DBR1: variants seen among roughly 807,000 people sequenced by gnomAD.
DBR1 encodes lariat debranching enzyme.
A neutral mutation model predicts 45.9 loss-of-function variants in DBR1; 33 were observed. That is an observed-to-expected ratio of 0.72 (90% confidence interval 0.55 to 0.96). DBR1 has a LOEUF of 0.96. Ranked by LOEUF, DBR1 falls within the 40% of genes least tolerant of loss-of-function variation. DBR1 has a pLI of 0.00. For missense variants in DBR1, 619 were observed against 667.4 expected (o/e 0.93, Z 0.80); for synonymous variants, 235 against 235.9 (o/e 1.00, Z 0.04).
At chr3:138,168,362 T>C (rs977336302) in intron 4 of DBR1, among the ~76,000 whole-genome samples, 5 of 151,118 alleles carry the variant, frequency 3.3e-5, no homozygotes, top group Admixed American at 6.6e-5. Context: ...TTATTTAAAA[T>C]ACAAAAAATT....
At chr3:138,165,201 G>C (rs910439639) in intron 5 of DBR1, among the ~76,000 whole-genome samples, 1 of 152,138 alleles carries the variant, frequency 6.6e-6, no homozygotes, top group Non-Finnish European at 1.5e-5. Context: ...TCCTGCTGAG[G>C]ACCAAGCAAC....
At position 138,163,428 on chromosome 3, in the gene DBR1, T is replaced by C. The variant is rs2042916842; in HGVS notation, c.862A>G (p.Ile288Val). ...ATAAGATCATCCGTAGCCCTGAGAA[T>C]AGTGAGCCATTCAATATCATATTCC... is the stretch of plus-strand genomic sequence containing the variant. ...YLEYDIEWLT[I>V]LRATDDLINV... The change falls in exon 7 of 8, where the codon ATT becomes GTT. Residue 288 changes from isoleucine to valine, a missense_variant. Transcript: ENST00000260803. 3.1e-6 allele frequency: 5 copies of C among 1,613,394 alleles called. No individual in the cohort carries two copies. The highest frequency in any genetic ancestry group is 4.2e-6 in the Non-Finnish European group (5 of 1,179,366).
chr3:138,166,941 G>T, intron 5 of DBR1, 140 bp downstream of exon 5: 3 of 797,442 alleles, frequency 3.8e-6, no homozygotes, highest in Admixed American at 2.7e-5. Flanking sequence ...GTAATTGCTT[G>T]TCTTTCCCAG....
At chr3:138,163,323 C>A (rs771919950) in intron 7 of DBR1, 26 bp downstream of exon 7, 1 of 1,603,220 alleles carries the variant, frequency 6.2e-7, no homozygotes, top group South Asian at 1.1e-5. Flanking sequence ...ATGGAAAAAG[C>A]AGGTCCTAAA....
chr3:138,162,453 C>T lies in DBR1; in HGVS notation c.1071G>A (p.Met357Ile). 1 of 1,614,140 alleles carries T rather than the reference C, an allele frequency of 6.2e-7. No homozygotes were observed. Among genetic ancestry groups the T allele is most frequent in the Non-Finnish European group, 8.5e-7 (1 of 1,180,024 alleles). Residue 357 changes from methionine to isoleucine, a missense_variant, in exon 8 of 8, where the codon ATG (methionine) becomes ATA (isoleucine). Transcript: ENST00000260803. ...GAGGATTGATCCTATGAATCAGCTGCATTTGTGTCTGTGGCTTGCTAGGAT... is the reference window on the plus strand; with the variant it reads ...GAGGATTGATCCTATGAATCAGCTGTATTTGTGTCTGTGGCTTGCTAGGAT... ...CYDPSKPQTQMQLIHRINPQT... is the reference protein window; with the variant it reads ...CYDPSKPQTQIQLIHRINPQT...
chr3:138,170,230 C>T (rs1261477882), intron 3 of DBR1, 38 bp from the exon 4 acceptor site: 1 of 1,246,738 alleles, frequency 8.0e-7, no homozygotes, highest in Non-Finnish European at 1.2e-6. Flanking sequence ...TATTTAATTT[C>T]CTTAAATACT....
intron 5 of DBR1, 130 bp downstream of exon 5, chr3:138,166,951 G>T (rs2042933078): frequency 2.4e-6 from 2 of 836,978 alleles, no homozygotes; most frequent in Admixed American, 2.7e-5. Flanking sequence ...GTCTTTCCCA[G>T]AATCATATAT....
At chr3:138,173,762 C>G in intron 1 of DBR1, 136 bp from the exon 2 acceptor site, 2 of 919,864 alleles carry the variant, frequency 2.2e-6, no homozygotes, top group Non-Finnish European at 3.1e-6. Flanking sequence ...TGGGGCTGGG[C>G]GCGGTGGCTC....
At position 138,171,705 on chromosome 3, in the gene DBR1, C is replaced by T; in HGVS notation, c.331G>A (p.Gly111Ser). Residue 111 changes from glycine (G) to serine (S), a missense_variant, in exon 3 of 8, where the codon GGT (glycine) becomes AGT (serine). Physicochemically the swap from Gly to Ser is moderately conservative, Grantham distance 56. Transcript: ENST00000260803. ...APNIYYLGLA[G>S]VVKYRGVRIG... ...CTTACACCTCGGTATTTTACCACAC[C>T]AGCCAAACCTAAACAATACAGTTAA... 2 of 1,612,350 alleles carry T rather than the reference C, an allele frequency of 1.2e-6. No individual in the cohort carries two copies. The highest frequency in any genetic ancestry group is 1.7e-6 in the Non-Finnish European group (2 of 1,178,562).
rs1299666278 is a variant in DBR1 at position 138,167,947 on chromosome 3, CAAAAAGAAA to C, written c.490-651_490-643del. On this transcript the variant is annotated intron_variant, in intron 4 of 7. Coordinates refer to ENST00000260803, the MANE Select transcript of DBR1 (RefSeq NM_016216.4). ...GGGCCACAAGAGTGAAACTCCATCT[CAAAAAGAAA>C]AAAAAGAAAAAAGAAATTACTGTTT... Among the ~76,000 whole-genome samples the C allele has an allele frequency of 1.4e-4, 21 of 150,520 alleles. No homozygotes were observed. In the South Asian group the frequency reaches 4.0e-3, roughly 29 times the overall value.
intron 1 of DBR1, among the ~76,000 whole-genome samples, chr3:138,173,863 C>G (rs1180077357): frequency 1.3e-5 from 2 of 151,778 alleles, no homozygotes; most frequent in African/African-American, 4.8e-5. Flanking sequence ...GTGGTGAAAC[C>G]CCGTCTCTAC....
intron 1 of DBR1, among the ~76,000 whole-genome samples, chr3:138,173,914 G>A (rs1331434529): frequency 6.6e-6 from 1 of 151,654 alleles, no homozygotes; most frequent in Non-Finnish European, 1.5e-5. Flanking sequence ...CCAGCTACTC[G>A]GGAGGCTGAG....
intron 1 of DBR1, 30 bp downstream of exon 1, chr3:138,174,569 C>A (rs532662024): frequency 6.4e-7 from 1 of 1,564,834 alleles, no homozygotes. Context: ...ACCCCCCCAC[C>A]GCCAAGTCCG....
Position 138,162,237 on chromosome 3 carries a change from T to A in DBR1, c.1287A>T (p.Ile429=). The change falls in exon 8 of 8, where the codon ATA becomes ATT. Residue 429 remains isoleucine (I), a synonymous_variant. Coordinates refer to ENST00000260803, the MANE Select transcript of DBR1 (RefSeq NM_016216.4). ...CTTCATCTTCTTCTTCATCTAACAT[T>A]ATTTCATCTGGATTAATAGAAGACA... is the stretch of plus-strand genomic sequence containing the variant. ...SALSSINPDE[I]MLDEEEDEDS... is the part of the protein sequence containing the mutation. The A allele has an allele frequency of 6.2e-7, 1 of 1,614,160 alleles. No individual in the cohort carries two copies. Among genetic ancestry groups the A allele is most frequent in the Non-Finnish European group, 8.5e-7 (1 of 1,180,004 alleles).
Position 138,170,106 on chromosome 3 carries a change from C to A in DBR1, c.489+1G>T. 2.6e-6 allele frequency: 4 copies of A among 1,544,922 alleles called. No homozygotes were observed. Among genetic ancestry groups the A allele is most frequent in the Non-Finnish European group, 3.6e-6 (4 of 1,124,382 alleles). On this transcript the variant is annotated splice_donor_variant, in intron 4 of 7. Transcript: ENST00000260803. LOFTEE classifies it high-confidence loss of function. ...TCTGCTGTAATGCGCTTTTTACGTACCTGTTTTAATTTATAGACTTCAATA... is the reference window on the plus strand; with the variant it reads ...TCTGCTGTAATGCGCTTTTTACGTAACTGTTTTAATTTATAGACTTCAATA...
At chr3:138,170,927 C>G (rs2042950787) in intron 3 of DBR1, among the ~76,000 whole-genome samples, 1 of 152,080 alleles carries the variant, frequency 6.6e-6, no homozygotes, top group Non-Finnish European at 1.5e-5. Context: ...AACAAAGAAG[C>G]AAGTTTGAGA....
intron 5 of DBR1, among the ~76,000 whole-genome samples, chr3:138,166,549 A>T (rs2042931165): frequency 1.3e-5 from 2 of 152,326 alleles, no homozygotes; most frequent in Middle Eastern, 3.4e-3. Flanking sequence ...TGTCAAACTA[A>T]TCGTTCTGAA....
chr3:138,167,331 A>C (rs748653180), intron 4 of DBR1, 26 bp from the exon 5 acceptor site: 1 of 1,523,306 alleles, frequency 6.6e-7, no homozygotes, highest in African/African-American at 1.4e-5. Context: ...AAGAGAAAGA[A>C]AGAAAACTCT....
At chr3:138,164,021 C>G in intron 5 of DBR1, 163 bp from the exon 6 acceptor site, 1 of 467,524 alleles carries the variant, frequency 2.1e-6, no homozygotes, top group South Asian at 3.4e-5. Context: ...TCTATACCCA[C>G]TTGTGTGATA....
Sources: gnomAD v4.1 joint callset for allele counts (sites outside exome capture counted in the v4.1 genomes callset) on GRCh38, gnomAD v4.1.1 for gene constraint, MANE v1.5 for transcripts, NCBI Gene and HGNC (gene_info 2026-07-23, HGNC 2026-07-21) for gene names.